The following SLIT2 variants were observed in gnomAD, a reference collection of about 807,000 sequenced individuals.
SLIT2 encodes slit homolog 2 protein.
SLIT2 carries 41 observed loss-of-function variants against 185.7 expected under a neutral mutation model. That is an observed-to-expected ratio of 0.22 (90% CI 0.17 to 0.29). The LOEUF is 0.29. SLIT2 is among the 10% of genes least tolerant of loss of function. The pLI is 1.00. For missense variants in SLIT2, 1,571 were observed against 1,909.0 expected (o/e 0.82, Z 3.30); for synonymous variants, 693 against 680.2 (o/e 1.02, Z -0.29).
intron 4 of SLIT2, among the ~76,000 whole-genome samples, chr4:20,339,105 A>AG (rs1439064438): frequency 1.5e-4 from 23 of 151,694 alleles, no homozygotes; most frequent in Non-Finnish European, 3.2e-4. Context: ...AAAAAAAAAA[A>AG]AAAAAAAGAA....
chr4:20,425,761 A>G (rs1330544873), intron 4 of SLIT2, among the ~76,000 whole-genome samples: 3 of 152,218 alleles, frequency 2.0e-5, no homozygotes, highest in African/African-American at 7.2e-5. Flanking sequence ...CAGATTTTAT[A>G]TGAACACTTT....
chr4:20,391,890 G>A (rs888196175), intron 4 of SLIT2, among the ~76,000 whole-genome samples: 9 of 152,100 alleles, frequency 5.9e-5, no homozygotes, highest in African/African-American at 2.2e-4. Flanking sequence ...GTACTAGTGT[G>A]CCATCTTCTA....
intron 26 of SLIT2, among the ~76,000 whole-genome samples, chr4:20,561,382 A>G (rs1724675903): frequency 6.6e-6 from 1 of 151,780 alleles, no homozygotes; most frequent in South Asian, 2.1e-4. Flanking sequence ...ACATTGTAAT[A>G]TTATTGTTTT....
At position 20,620,331 on chromosome 4, in the gene SLIT2, T is replaced by G; in HGVS notation, c.*1322T>G. On this transcript the variant is annotated 3_prime_UTR_variant, in exon 37 of 37. Coordinates refer to ENST00000504154, the MANE Select transcript of SLIT2 (RefSeq NM_004787.4). ...TCTTAATGCTCCCATGTTAACATGT[T>G]TGCTGCTAAATTACAATGTAGAATT... 1 of 415,218 alleles carries G rather than the reference T, an allele frequency of 2.4e-6. No individual in the cohort carries two copies. Among genetic ancestry groups the G allele is most frequent in the Non-Finnish European group, 4.7e-6 (1 of 213,494 alleles). 25.7% of individuals were successfully genotyped at this position (415,218 alleles called of 1,614,324 possible).
At chr4:20,352,807 G>A (rs1352500481) in intron 4 of SLIT2, among the ~76,000 whole-genome samples, 1 of 152,092 alleles carries the variant, frequency 6.6e-6, no homozygotes, top group East Asian at 1.9e-4. Context: ...CAGCTACTCG[G>A]GAGGCTGAGG....
chr4:20,393,900 G>C (rs1725661227), intron 4 of SLIT2, among the ~76,000 whole-genome samples: 1 of 152,052 alleles, frequency 6.6e-6, no homozygotes, highest in Non-Finnish European at 1.5e-5. Flanking sequence ...TGATCACAGA[G>C]ACTGAGGGCA....
At chr4:20,601,459 A>G (rs1277232111) in intron 33 of SLIT2, among the ~76,000 whole-genome samples, 1 of 152,212 alleles carries the variant, frequency 6.6e-6, no homozygotes, top group Non-Finnish European at 1.5e-5. Flanking sequence ...AACTGAATTT[A>G]TTTCATTTGC....
At chr4:20,416,391 C>T (rs748476750) in intron 4 of SLIT2, among the ~76,000 whole-genome samples, 26 of 152,152 alleles carry the variant, frequency 1.7e-4, no homozygotes, top group Non-Finnish European at 2.9e-4. Flanking sequence ...TACTTATTAT[C>T]TCATTACTTA....
At position 20,254,908 on chromosome 4, in the gene SLIT2, C is replaced by T. The variant is rs1239651674; in HGVS notation, c.179+914C>T. ...GCGCTCCGTTGCTCGCAGACGTCCC[C>T]GCCTCCCTGTCTTTGCGAGTCTCTA... On this transcript the variant is annotated intron_variant, in intron 1 of 36. Coordinates refer to ENST00000504154, the MANE Select transcript of SLIT2 (RefSeq NM_004787.4). The surrounding 1 kb of genome is among the most constrained non-coding windows in gnomAD (Gnocchi z 5.1). 8.8e-6 allele frequency: 4 copies of T among 456,138 alleles called. No homozygotes were observed. The highest frequency in any genetic ancestry group is 8.0e-5 in the African/African-American group (4 of 50,100). 28.3% of individuals were successfully genotyped at this position (456,138 alleles called of 1,614,324 possible).
At chr4:20,347,293 G>A (rs1318376977) in intron 4 of SLIT2, among the ~76,000 whole-genome samples, 3 of 152,094 alleles carry the variant, frequency 2.0e-5, no homozygotes, top group Non-Finnish European at 2.9e-5. Flanking sequence ...TAGAATCCCA[G>A]GACTTTTCAT....
intron 5 of SLIT2, among the ~76,000 whole-genome samples, chr4:20,477,823 TCTGG>T (rs2148772805): frequency 6.6e-6 from 1 of 152,342 alleles, no homozygotes; most frequent in Admixed American, 6.5e-5. Flanking sequence ...AAAAGTCTCC[TCTGG>T]CTATTTTCTT....
At chr4:20,492,340 A>G (rs1351236037) in intron 9 of SLIT2, among the ~76,000 whole-genome samples, 1 of 152,224 alleles carries the variant, frequency 6.6e-6, no homozygotes, top group Non-Finnish European at 1.5e-5. Context: ...GTTTGAATTG[A>G]TAGTTCAATG....
chr4:20,505,160 T>C (rs1425466329), intron 9 of SLIT2, among the ~76,000 whole-genome samples: 1 of 152,128 alleles, frequency 6.6e-6, no homozygotes, highest in African/African-American at 2.4e-5. Context: ...CATATTTTTT[T>C]CTACATCTCA....
rs754614845 is a variant in SLIT2, at chr4:20,308,292, C to A, written c.395+39411C>A. ...CTGGGAATTTGTGTACATGGTAAAA[C>A]GAGTGGAAAATGCCATCACCTCATT... On this transcript the variant is annotated intron_variant, in intron 4 of 36. Transcript: ENST00000504154. Among the ~76,000 whole-genome samples the A allele has an allele frequency of 2.6e-5, 4 of 152,124 alleles. No individual in the cohort carries two copies. In the South Asian group the frequency reaches 8.3e-4, roughly 31 times the overall value.
chr4:20,470,077 A>G (rs1714812251), intron 5 of SLIT2, among the ~76,000 whole-genome samples: 1 of 152,054 alleles, frequency 6.6e-6, no homozygotes, highest in East Asian at 1.9e-4. Flanking sequence ...TATAAAGTAA[A>G]CAATAGTTAT....
intron 4 of SLIT2, among the ~76,000 whole-genome samples, chr4:20,464,460 C>T (rs1714120370): frequency 6.6e-6 from 1 of 152,150 alleles, no homozygotes; most frequent in South Asian, 2.1e-4. Context: ...TCCTCTGAAA[C>T]ACACTGTTAC....
chr4:20,304,697 A>G (rs1170201677), intron 4 of SLIT2, among the ~76,000 whole-genome samples: 5 of 152,114 alleles, frequency 3.3e-5, no homozygotes, highest in Non-Finnish European at 4.4e-5. Context: ...GGAGATGCAG[A>G]GCTTACATTC....
At chr4:20,325,033 C>T (rs1355166984) in intron 4 of SLIT2, among the ~76,000 whole-genome samples, 1 of 151,996 alleles carries the variant, frequency 6.6e-6, no homozygotes, top group Non-Finnish European at 1.5e-5. Context: ...TCACCCTCAG[C>T]TCCTCTTCCT....
chr4:20,308,615 A>G (rs1577405091), intron 4 of SLIT2, among the ~76,000 whole-genome samples: 1 of 151,964 alleles, frequency 6.6e-6, no homozygotes, highest in South Asian at 2.1e-4. Flanking sequence ...GATATTAGCT[A>G]CTTCAAAGAC....
Sources: allele counts gnomAD v4.1 joint callset (sites outside exome capture counted in the v4.1 genomes callset), GRCh38; gene constraint gnomAD v4.1.1; non-coding constraint Gnocchi (gnomAD v3.1); transcripts MANE v1.5; gene names NCBI Gene and HGNC (gene_info 2026-07-23, HGNC 2026-07-21).